Variants in CRLF2 observed in about 807,000 individuals in gnomAD.
CRLF2 encodes cytokine receptor-like factor 2.
Under a neutral mutation model 38.7 loss-of-function variants are expected in CRLF2, and 41 were observed. That is an observed-to-expected ratio of 1.06 (90% CI 0.83 to 1.37). The LOEUF (loss-of-function observed/expected upper bound fraction) is 1.37. CRLF2 is among the 40% of genes most tolerant of loss of function. The pLI, the probability that CRLF2 is intolerant of heterozygous loss-of-function variation, is 0.00. For synonymous variants in CRLF2, 140 were observed against 128.8 expected, an observed-to-expected ratio of 1.09 and a Z score of -0.59; for missense variants, 377 against 322.2, an observed-to-expected ratio of 1.17 and a Z score of -1.30.
At chrX:1,192,687 CTT>C (rs1381123795) in intron 7 of CRLF2, among the ~76,000 whole-genome samples, 1 of 142,246 alleles carries the variant, frequency 7.0e-6, no homozygotes, top group Non-Finnish European at 1.5e-5. Flanking sequence ...TTCTTTTTCT[CTT>C]TCTTTTTCTT....
intron 3 of CRLF2, among the ~76,000 whole-genome samples, chrX:1,205,039 C>T (rs1417889588): frequency 1.3e-5 from 2 of 152,056 alleles, no homozygotes; most frequent in Admixed American, 6.6e-5. Flanking sequence ...GTTGGTGAGG[C>T]TGGTCTCGAA....
chrX:1,212,637 C>A lies in CRLF2; in HGVS notation c.-3G>T. Reference sequence around the variant, plus strand: ...CACAGCAGAACCAGCCGCCCCATGCCTGAAACAGGAGTGGAGAGTGAGGTC... The same window carrying A: ...CACAGCAGAACCAGCCGCCCCATGCATGAAACAGGAGTGGAGAGTGAGGTC... On this transcript the variant is annotated 5_prime_UTR_variant, in exon 1 of 8. It adds an upstream start codon to the 5' untranslated region. Transcript: ENST00000400841. The A allele has an allele frequency of 6.2e-7, 1 of 1,608,276 alleles. No individual in the cohort carries two copies. Among genetic ancestry groups the A allele is most frequent in the South Asian group, 1.1e-5 (1 of 90,954 alleles).
intron 3 of CRLF2, among the ~76,000 whole-genome samples, 156 bp downstream of exon 3, chrX:1,206,277 G>A (rs1222839346): frequency 6.6e-6 from 1 of 151,730 alleles, no homozygotes; most frequent in East Asian, 1.9e-4. Flanking sequence ...ACAGTAATAA[G>A]CTGCAGGAAG....
intron 2 of CRLF2, among the ~76,000 whole-genome samples, chrX:1,207,511 C>T (rs866875700): frequency 9.4e-5 from 7 of 74,474 alleles, no homozygotes; most frequent in South Asian, 5.9e-4. Flanking sequence ...ACCCCCCCCC[C>T]CCTCAGCCTC....
chrX:1,197,895 G>A (rs1341607889), intron 5 of CRLF2, among the ~76,000 whole-genome samples: 6 of 152,132 alleles, frequency 3.9e-5, no homozygotes, highest in Admixed American at 2.6e-4. Context: ...CCAGGCACTC[G>A]GGAGGCTGAG....
chrX:1,197,180 T>C (rs1230747810), intron 5 of CRLF2, among the ~76,000 whole-genome samples: 14 of 148,942 alleles, frequency 9.4e-5, no homozygotes, highest in Non-Finnish European at 1.5e-4. Context: ...GCAACCTCCG[T>C]CTCCCGGACT....
rs1367311628 is a variant in CRLF2 at position 1,211,353 on chromosome X, A to ATGGG, written c.79+1199_79+1202dup. The stretch of plus-strand genomic sequence containing the variant: ...GATGTATTGGTGGGTGGATGGGTGG[A>ATGGG]TGGGTGGATGGATGGATGGATGGAT... On this transcript the variant is annotated intron_variant, in intron 1 of 7. Transcript: ENST00000400841. Among the ~76,000 whole-genome samples, 48 of 112,418 alleles carry ATGGG rather than the reference A, an allele frequency of 4.3e-4. 1 individual carries two copies. The highest frequency in any genetic ancestry group is 5.2e-4 in the East Asian group (2 of 3,876). The allele number at this position is 112,418 out of a possible 152,430, so 73.8% of individuals were successfully genotyped here.
At chrX:1,197,594 TCACAAGGTCAGGAG>T in intron 5 of CRLF2, among the ~76,000 whole-genome samples, 1 of 151,868 alleles carries the variant, frequency 6.6e-6, no homozygotes, top group Non-Finnish European at 1.5e-5. Context: ...GGCGGGCGGA[TCACAAGGTCAGGAG>T]TTCGAGACCA....
intron 7 of CRLF2, among the ~76,000 whole-genome samples, 196 bp from the exon 8 acceptor site, chrX:1,191,356 T>TC (rs2086376379): frequency 1.0e-4 from 13 of 125,344 alleles, no homozygotes; most frequent in East Asian, 2.7e-4. Flanking sequence ...CTTCTTTCTT[T>TC]CTTTCCTTTC....
chrX:1,195,094 G>A (rs1464060548), intron 6 of CRLF2, among the ~76,000 whole-genome samples: 1 of 151,428 alleles, frequency 6.6e-6, no homozygotes, highest in African/African-American at 2.4e-5. Flanking sequence ...TGGGGAGGCT[G>A]AGGCAGGAGA....
At chrX:1,207,362 T>A (rs2086709551) in intron 2 of CRLF2, among the ~76,000 whole-genome samples, 1 of 150,492 alleles carries the variant, frequency 6.6e-6, no homozygotes, top group South Asian at 2.1e-4. Flanking sequence ...TTCAAGCGAT[T>A]CTCCTGCCTC....
chrX:1,192,255 C>T (rs2086398192), intron 7 of CRLF2, among the ~76,000 whole-genome samples: 1 of 150,062 alleles, frequency 6.7e-6, no homozygotes, highest in African/African-American at 2.4e-5. Flanking sequence ...AATGGGAAGT[C>T]AGAGTTGGAC....
chrX:1,204,019 G>A (rs367848937), intron 3 of CRLF2, among the ~76,000 whole-genome samples: 29 of 150,882 alleles, frequency 1.9e-4, no homozygotes, highest in African/African-American at 3.9e-4. Context: ...TTCCTCGCCC[G>A]AGACTTAACA....
At position 1,206,603 on chromosome X, in the gene CRLF2, T is replaced by G. The variant is rs2086696013; in HGVS notation, c.183-4A>C. The G allele has an allele frequency of 6.2e-7, 1 of 1,612,762 alleles. No homozygotes were observed. The highest frequency in any genetic ancestry group is 8.5e-7 in the Non-Finnish European group (1 of 1,179,142). On this transcript the variant is annotated splice_polypyrimidine_tract_variant and splice_region_variant and intron_variant, in intron 2 of 7. Transcript: ENST00000400841. ...ATAGGCCTCATCACCGTTGAATCTG[T>G]GGTTTAAAACGATGACCATTCAGCA... is the stretch of plus-strand genomic sequence containing the variant.
chrX:1,209,501 T>C (rs1412223417), intron 1 of CRLF2, among the ~76,000 whole-genome samples: 5 of 150,822 alleles, frequency 3.3e-5, no homozygotes, highest in African/African-American at 9.8e-5. Context: ...CTGGATAATT[T>C]TTTGTACTTT....
chrX:1,206,374 G>C, intron 3 of CRLF2, 59 bp downstream of exon 3: 2 of 1,477,720 alleles, frequency 1.4e-6, no homozygotes, highest in Non-Finnish European at 1.9e-6. Context: ...TTCAGTCCTT[G>C]TGGTAATAAG....
rs1232636715 is a variant in CRLF2 at position 1,192,811 on chromosome X, C to A, written c.852+407G>T. Among the ~76,000 whole-genome samples the A allele has an allele frequency of 9.1e-4, 133 of 146,008 alleles. 3 individuals carry two copies. The East Asian group carries it at 0.023, about 26-fold the overall frequency. On this transcript the variant is annotated intron_variant, in intron 7 of 7. Coordinates refer to ENST00000400841, the MANE Select transcript of CRLF2 (RefSeq NM_022148.4). ...CCTTTCCTCCCTCCTTCCTTCCCTT[C>A]CTTCCTTCTTTTTTTTTTTCTTGAC... is the stretch of plus-strand genomic sequence containing the variant.
At chrX:1,207,241 C>T (rs1265853954) in intron 2 of CRLF2, among the ~76,000 whole-genome samples, 3 of 151,626 alleles carry the variant, frequency 2.0e-5, no homozygotes, top group Non-Finnish European at 2.9e-5. Context: ...CCACCGCGCC[C>T]GGCCGTTTTT....
At chrX:1,197,472 C>G (rs1253078871) in intron 5 of CRLF2, among the ~76,000 whole-genome samples, 1 of 151,964 alleles carries the variant, frequency 6.6e-6, no homozygotes, top group Non-Finnish European at 1.5e-5. Flanking sequence ...CATATGAGAG[C>G]TTGCTTTCGT....
Sources: allele counts gnomAD v4.1 joint callset (sites outside exome capture counted in the v4.1 genomes callset), GRCh38; gene constraint gnomAD v4.1.1; transcripts MANE v1.5; gene names NCBI Gene and HGNC (gene_info 2026-07-23, HGNC 2026-07-21).